Variants in PTPRG observed in about 807,000 individuals in gnomAD.
The protein encoded by PTPRG is receptor-type tyrosine-protein phosphatase gamma.
A neutral mutation model predicts 165.3 loss-of-function variants in PTPRG; 102 were observed. The observed-to-expected ratio is 0.62, with a 90% CI of 0.53 to 0.73. The LOEUF (loss-of-function observed/expected upper bound fraction) is 0.73, where lower values mean the gene tolerates loss of function less well. Among genes scored for constraint, PTPRG ranks in the 30% least tolerant of loss-of-function variants. The pLI is 0.00. For missense variants in PTPRG, 1,866 were observed against 1,861.4 expected (o/e 1.00, Z -0.05); for synonymous variants, 675 against 669.5 (o/e 1.01, Z -0.13).
At chr3:61,871,168 A>G (rs1718703) in intron 2 of PTPRG, among the ~76,000 whole-genome samples, 7,418 of 38,636 alleles carry the variant, frequency 0.19, 215 homozygotes, top group Middle Eastern at 0.32. Flanking sequence ...GTGTTGTGTT[A>G]TGTTATGTTA....
chr3:61,733,176 A>G lies in PTPRG; in HGVS notation c.86-15702A>G, dbSNP rs186397416. On this transcript the variant is annotated intron_variant, in intron 1 of 29. Transcript: ENST00000474889. ...ATTGTCCAGGAGAAACCCAGGTCAA[A>G]GGTCACTTTGTATCAGTTCAAACAT... Among the ~76,000 whole-genome samples, 7 of 152,306 alleles carry G rather than the reference A, an allele frequency of 4.6e-5. No homozygotes were observed. In the East Asian group the frequency reaches 1.4e-3, roughly 29 times the overall value.
chr3:62,218,069 T>C (rs1700554653), intron 12 of PTPRG, among the ~76,000 whole-genome samples: 1 of 152,018 alleles, frequency 6.6e-6, no homozygotes, highest in Admixed American at 6.6e-5. Flanking sequence ...TGGAGAAGCA[T>C]ATTTTAGGAA....
chr3:61,916,603 T>G (rs2038941930), intron 2 of PTPRG, among the ~76,000 whole-genome samples: 1 of 152,212 alleles, frequency 6.6e-6, no homozygotes, highest in Non-Finnish European at 1.5e-5. Flanking sequence ...ATTCGATTGT[T>G]TCTCTTTAAA....
At chr3:62,261,160 A>C (rs1701685902) in intron 16 of PTPRG, 1 of 152,210 alleles carries the variant, frequency 6.6e-6, no homozygotes, top group South Asian at 2.1e-4. Context: ...TAAAAGCCAA[A>C]ATCTCTCAGC....
intron 2 of PTPRG, chr3:61,753,587 T>TTTTTTG: frequency 2.9e-6 from 1 of 347,326 alleles, no homozygotes; most frequent in South Asian, 2.3e-5. Flanking sequence ...ATTTGAGGGT[T>TTTTTTG]TTTTTTTTTT....
intron 1 of PTPRG, among the ~76,000 whole-genome samples, chr3:61,739,689 T>C (rs560744560): frequency 7.1e-4 from 108 of 152,350 alleles, no homozygotes; most frequent in African/African-American, 2.3e-3. Flanking sequence ...GTAATTTTAA[T>C]GATGCTTTCC....
chr3:62,061,529 TATCA>T (rs1364073848), intron 4 of PTPRG, among the ~76,000 whole-genome samples: 2 of 152,198 alleles, frequency 1.3e-5, no homozygotes, highest in Non-Finnish European at 2.9e-5. Flanking sequence ...GAGATTTATC[TATCA>T]GAGTCTCAAG....
chr3:62,147,646 CTTGT>C (rs754390384), intron 6 of PTPRG, among the ~76,000 whole-genome samples: 4 of 152,202 alleles, frequency 2.6e-5, no homozygotes, highest in Admixed American at 6.5e-5. Flanking sequence ...GTATCTGGGA[CTTGT>C]TTGTTATTTA....
intron 4 of PTPRG, among the ~76,000 whole-genome samples, chr3:62,029,767 C>G (rs958071991): frequency 6.6e-6 from 1 of 152,192 alleles, no homozygotes; most frequent in Non-Finnish European, 1.5e-5. Flanking sequence ...AAAATCAGGT[C>G]TTCCTCCATA....
chr3:61,711,036 C>T (rs1458163262), intron 1 of PTPRG, among the ~76,000 whole-genome samples: 1 of 151,830 alleles, frequency 6.6e-6, no homozygotes, highest in Non-Finnish European at 1.5e-5. Context: ...GTTTTCTGTT[C>T]CTTTGTTAGT....
In PTPRG at chr3:62,231,221, T is replaced by A. The variant is rs775084517; in HGVS notation, c.2289-4T>A. 1 of 1,561,372 alleles carries A rather than the reference T, an allele frequency of 6.4e-7. No individual in the cohort carries two copies. Among genetic ancestry groups the A allele is most frequent in the Admixed American group, 1.9e-5 (1 of 52,896 alleles). On this transcript the variant is annotated splice_region_variant and splice_polypyrimidine_tract_variant and intron_variant, in intron 13 of 29. Coordinates refer to ENST00000474889, the MANE Select transcript of PTPRG (RefSeq NM_002841.4). ...CTGTTCTCTTTTGTTTTTTGTCCATTTAGAGGGTGTAACAAAATAAAGTCC... is the reference window on the plus strand; with the variant it reads ...CTGTTCTCTTTTGTTTTTTGTCCATATAGAGGGTGTAACAAAATAAAGTCC...
At chr3:61,930,025 A>G (rs1400827712) in intron 2 of PTPRG, among the ~76,000 whole-genome samples, 1 of 151,806 alleles carries the variant, frequency 6.6e-6, no homozygotes, top group African/African-American at 2.4e-5. Flanking sequence ...ATGGTAGAAT[A>G]ACAGATAATG....
At chr3:62,230,308 G>C (rs377679917) in intron 13 of PTPRG, among the ~76,000 whole-genome samples, 1 of 152,076 alleles carries the variant, frequency 6.6e-6, no homozygotes. Context: ...AACCACCAGC[G>C]GACTCAATAG....
At chr3:62,290,902 A>G (rs1702863033) in intron 28 of PTPRG, among the ~76,000 whole-genome samples, 2 of 152,154 alleles carry the variant, frequency 1.3e-5, no homozygotes, top group African/African-American at 4.8e-5. Flanking sequence ...AAAATAAAAG[A>G]TGTATCAACT....
intron 1 of PTPRG, among the ~76,000 whole-genome samples, chr3:61,730,497 T>C (rs913206622): frequency 1.3e-5 from 2 of 152,230 alleles, no homozygotes; most frequent in African/African-American, 4.8e-5. Flanking sequence ...TTGAGCAAAT[T>C]AGTGTTGCTC....
chr3:62,000,087 G>T (rs373298698), intron 3 of PTPRG, among the ~76,000 whole-genome samples: 1 of 152,112 alleles, frequency 6.6e-6, no homozygotes, highest in Non-Finnish European at 1.5e-5. Context: ...TGAATCTCTT[G>T]AGGTCAGGAG....
At chr3:61,630,717 G>T (rs1335956167) in intron 1 of PTPRG, among the ~76,000 whole-genome samples, 3 of 152,066 alleles carry the variant, frequency 2.0e-5, no homozygotes, top group Non-Finnish European at 4.4e-5. Context: ...TCGCACACTT[G>T]CCCCAAAGTG....
intron 2 of PTPRG, among the ~76,000 whole-genome samples, chr3:61,781,072 C>CAAA (rs2107079696): frequency 6.6e-6 from 1 of 152,162 alleles, no homozygotes; most frequent in African/African-American, 2.4e-5. Context: ...GAGTATCTGC[C>CAAA]AAAAATTGAG....
chr3:61,708,124 C>T (rs560543818), intron 1 of PTPRG, among the ~76,000 whole-genome samples: 6 of 151,928 alleles, frequency 3.9e-5, no homozygotes, highest in Admixed American at 2.0e-4. Context: ...TTTGCCTCCC[C>T]GGAACGCTGT....
Sources: gnomAD v4.1 joint callset for allele counts (sites outside exome capture counted in the v4.1 genomes callset) on GRCh38, gnomAD v4.1.1 for gene constraint, MANE v1.5 for transcripts, NCBI Gene and HGNC (gene_info 2026-07-23, HGNC 2026-07-21) for gene names.